Variants in DKK2 observed in about 807,000 individuals in gnomAD.
DKK2 encodes the protein dickkopf Wnt signaling pathway inhibitor 2.
In DKK2, 11 loss-of-function variants were observed where a neutral mutation model predicts 28.1. That is an observed-to-expected ratio of 0.39 (90% CI 0.25 to 0.65). The LOEUF is 0.65. Among genes scored for constraint, DKK2 ranks in the 30% least tolerant of loss-of-function variants. The pLI is 0.47. For missense variants in DKK2, 326 were observed against 335.5 expected (o/e 0.97, Z 0.22); for synonymous variants, 135 against 126.5 (o/e 1.07, Z -0.45).
chr4:106,964,989 A>G (rs1722749312), intron 1 of DKK2, among the ~76,000 whole-genome samples: 1 of 150,258 alleles, frequency 6.7e-6, no homozygotes, highest in African/African-American at 2.5e-5. Context: ...AGATAGATAG[A>G]TAGATAGATA....
intron 1 of DKK2, among the ~76,000 whole-genome samples, chr4:107,018,928 C>T (rs1723651699): frequency 6.6e-6 from 1 of 151,990 alleles, no homozygotes; most frequent in African/African-American, 2.4e-5. Context: ...AATCTGCTAC[C>T]TTTCAGTAAC....
At chr4:107,017,686 T>C (rs1303774733) in intron 1 of DKK2, among the ~76,000 whole-genome samples, 1 of 150,916 alleles carries the variant, frequency 6.6e-6, no homozygotes, top group Non-Finnish European at 1.5e-5. Flanking sequence ...AGAAATATTT[T>C]TGGTGAGACT....
At chr4:106,984,327 A>G (rs1723085423) in intron 1 of DKK2, among the ~76,000 whole-genome samples, 1 of 152,192 alleles carries the variant, frequency 6.6e-6, no homozygotes, top group Non-Finnish European at 1.5e-5. Context: ...TGGAAACTCT[A>G]TACCCATTAA....
intron 1 of DKK2, among the ~76,000 whole-genome samples, chr4:106,993,541 C>T (rs905153795): frequency 6.6e-6 from 1 of 151,994 alleles, no homozygotes; most frequent in Admixed American, 6.6e-5. Flanking sequence ...TTGCTGGATT[C>T]CTCCAAGCTA....
chr4:106,958,837 CAAAA>C (rs767389620), intron 1 of DKK2, among the ~76,000 whole-genome samples: 1 of 67,044 alleles, frequency 1.5e-5, no homozygotes, highest in Non-Finnish European at 3.4e-5. Flanking sequence ...AACTCAATCT[CAAAA>C]AAAAAAAAAA....
intron 1 of DKK2, among the ~76,000 whole-genome samples, chr4:106,933,975 T>C (rs1433243915): frequency 6.6e-6 from 1 of 151,842 alleles, no homozygotes; most frequent in African/African-American, 2.4e-5. Flanking sequence ...TGTGTGTGTG[T>C]GTGTGTGTGT....
chr4:106,994,586 C>T (rs1723246747), intron 1 of DKK2, among the ~76,000 whole-genome samples: 1 of 151,922 alleles, frequency 6.6e-6, no homozygotes, highest in Admixed American at 6.6e-5. Flanking sequence ...ATGTGTTATG[C>T]TGAGTGAATC....
intron 1 of DKK2, among the ~76,000 whole-genome samples, chr4:107,006,266 T>A (rs1021585088): frequency 1.2e-4 from 19 of 152,196 alleles, no homozygotes; most frequent in African/African-American, 4.1e-4. Context: ...TTAATGACAA[T>A]CATCTTTTAA....
chr4:106,976,732 A>G (rs1722951554), intron 1 of DKK2, among the ~76,000 whole-genome samples: 1 of 152,164 alleles, frequency 6.6e-6, no homozygotes, highest in South Asian at 2.1e-4. Flanking sequence ...CATTTAGCCC[A>G]TTTACATTTA....
intron 1 of DKK2, among the ~76,000 whole-genome samples, chr4:106,961,293 G>A (rs1722680995): frequency 6.6e-6 from 1 of 151,916 alleles, no homozygotes; most frequent in African/African-American, 2.4e-5. Flanking sequence ...TAGAAAAAAG[G>A]ATTTTGACCC....
intron 1 of DKK2, among the ~76,000 whole-genome samples, chr4:106,935,831 G>A (rs1033443955): frequency 6.6e-6 from 1 of 152,178 alleles, no homozygotes; most frequent in East Asian, 1.9e-4. Flanking sequence ...CAGCCTAACT[G>A]GGAGGCACAC....
At chr4:106,997,803 T>C (rs1174033521) in intron 1 of DKK2, among the ~76,000 whole-genome samples, 1 of 152,258 alleles carries the variant, frequency 6.6e-6, no homozygotes, top group African/African-American at 2.4e-5. Context: ...AGTTCTTTAA[T>C]AGGTTTACAT....
In DKK2 at chr4:106,924,699, G is replaced by A. The variant is rs766423497; in HGVS notation, c.375C>T (p.Gly125=). ...MCCPSTRCNN[G]ICIPVTESIL... is the part of the protein sequence containing the mutation. Reference sequence around the variant, plus strand: ...TGCTTTCAGTAACTGGGATACAGATGCCTGGAGATGATCATATAATCAGTT... The same window carrying A: ...TGCTTTCAGTAACTGGGATACAGATACCTGGAGATGATCATATAATCAGTT... The change falls in exon 3 of 4, where the codon GGC becomes GGT. Residue 125 remains glycine (G), a splice_region_variant and synonymous_variant. Transcript: ENST00000285311. 1.2e-6 allele frequency: 2 copies of A among 1,612,496 alleles called. No homozygotes were observed. Among genetic ancestry groups the A allele is most frequent in the Admixed American group, 3.3e-5 (2 of 59,760 alleles).
At position 106,922,674 on chromosome 4, in the gene DKK2, A is replaced by G. The variant is rs181771467; in HGVS notation, c.*1280T>C. 6.6e-6 allele frequency: 1 copy of G among 152,304 alleles called. No individual in the cohort carries two copies. Among genetic ancestry groups the G allele is most frequent in the East Asian group, 1.9e-4 (1 of 5,174 alleles). The allele number at this position is 152,304 out of a possible 1,614,324, so 9.4% of individuals were successfully genotyped here. On this transcript the variant is annotated 3_prime_UTR_variant, in exon 4 of 4. Coordinates refer to ENST00000285311, the MANE Select transcript of DKK2 (RefSeq NM_014421.3). ...TTTTGTGAAACCTCCTGAAATTGAG[A>G]TTATTTGAGGATCTCAGCACTATAA...
chr4:106,955,585 C>T (rs192763343), intron 1 of DKK2, among the ~76,000 whole-genome samples: 2 of 152,192 alleles, frequency 1.3e-5, no homozygotes, highest in African/African-American at 2.4e-5. Context: ...CCTTTTCACA[C>T]CTAACAATAC....
chr4:107,017,096 T>C (rs372739825), intron 1 of DKK2, among the ~76,000 whole-genome samples: 14 of 152,112 alleles, frequency 9.2e-5, no homozygotes, highest in African/African-American at 2.6e-4. Flanking sequence ...TCATAATTCA[T>C]TCTGAGTAAA....
At chr4:106,927,736 C>G (rs1724444183) in intron 1 of DKK2, among the ~76,000 whole-genome samples, 1 of 152,108 alleles carries the variant, frequency 6.6e-6, no homozygotes, top group Non-Finnish European at 1.5e-5. Flanking sequence ...ATTTTACCCC[C>G]TTCACATTTA....
At chr4:106,996,357 C>T (rs1434081539) in intron 1 of DKK2, among the ~76,000 whole-genome samples, 1 of 152,152 alleles carries the variant, frequency 6.6e-6, no homozygotes, top group African/African-American at 2.4e-5. Flanking sequence ...GGATTCCATT[C>T]TCTTTCTAGG....
chr4:106,998,944 A>C (rs1723316673), intron 1 of DKK2, among the ~76,000 whole-genome samples: 1 of 152,208 alleles, frequency 6.6e-6, no homozygotes, highest in Non-Finnish European at 1.5e-5. Context: ...GGAACAACAG[A>C]GGTGTTAAAA....
Sources: allele counts gnomAD v4.1 joint callset (sites outside exome capture counted in the v4.1 genomes callset), GRCh38; gene constraint gnomAD v4.1.1; transcripts MANE v1.5; gene names NCBI Gene and HGNC (gene_info 2026-07-23, HGNC 2026-07-21).